The following GRIK4 variants were observed in gnomAD, a reference collection of about 807,000 sequenced individuals.
The protein encoded by GRIK4 is glutamate receptor ionotropic, kainate 4.
A neutral mutation model predicts 104.9 loss-of-function variants in GRIK4; 40 were observed. The ratio of observed to expected loss-of-function variants is 0.38; its 90% CI spans 0.30 to 0.50. GRIK4 has a LOEUF of 0.50. GRIK4 is among the 20% of genes least tolerant of loss of function. The pLI is 0.93. For missense variants in GRIK4, 1,047 were observed against 1,308.1 expected (o/e 0.80, Z 3.08); for synonymous variants, 485 against 524.9 (o/e 0.92, Z 1.04).
chr11:120,842,214 G>A (rs1365579707), intron 8 of GRIK4, among the ~76,000 whole-genome samples: 1 of 152,184 alleles, frequency 6.6e-6, no homozygotes, highest in African/African-American at 2.4e-5. Flanking sequence ...TTCCAAAAGG[G>A]TGTTTCTGGT....
At chr11:120,802,962 T>A in intron 4 of GRIK4, 105 bp downstream of exon 4, 1 of 993,782 alleles carries the variant, frequency 1.0e-6, no homozygotes, top group South Asian at 1.5e-5. Flanking sequence ...ATATCTGATG[T>A]CGATATTTCC....
At chr11:120,715,745 G>T (rs1285222327) in intron 3 of GRIK4, among the ~76,000 whole-genome samples, 1 of 152,230 alleles carries the variant, frequency 6.6e-6, no homozygotes, top group Non-Finnish European at 1.5e-5. Context: ...GGCCACGTGG[G>T]CGCCACACCC....
At chr11:120,858,050 A>G (rs1954163085) in intron 8 of GRIK4, among the ~76,000 whole-genome samples, 1 of 152,124 alleles carries the variant, frequency 6.6e-6, no homozygotes, top group Admixed American at 6.5e-5. Flanking sequence ...TCCTGTTGGG[A>G]GCAGGGACCC....
At chr11:120,637,380 T>A (rs1384752143) in intron 1 of GRIK4, among the ~76,000 whole-genome samples, 1 of 152,032 alleles carries the variant, frequency 6.6e-6, no homozygotes, top group African/African-American at 2.4e-5. Context: ...ACTTGGCAAA[T>A]CCCCTTCACA....
chr11:120,674,311 T>C (rs1256459311), intron 3 of GRIK4, among the ~76,000 whole-genome samples: 1 of 152,234 alleles, frequency 6.6e-6, no homozygotes, highest in Admixed American at 6.5e-5. Flanking sequence ...GCCTCTAGGT[T>C]CAGAGCCCCT....
chr11:120,937,330 C>T (rs1372236577), intron 13 of GRIK4, among the ~76,000 whole-genome samples: 1 of 152,196 alleles, frequency 6.6e-6, no homozygotes, highest in Non-Finnish European at 1.5e-5. Context: ...TGAGCCACTG[C>T]GCCCAGCCAT....
At chr11:120,828,076 C>G (rs1387062849) in intron 6 of GRIK4, among the ~76,000 whole-genome samples, 1 of 152,142 alleles carries the variant, frequency 6.6e-6, no homozygotes, top group Admixed American at 6.5e-5. Context: ...GGCGACGGTT[C>G]CTGCCTGGCA....
At chr11:120,969,273 TGGG>T (rs371587495) in intron 19 of GRIK4, among the ~76,000 whole-genome samples, 2 of 151,146 alleles carry the variant, frequency 1.3e-5, no homozygotes, top group Admixed American at 6.6e-5. Flanking sequence ...TAAAAGAAAA[TGGG>T]GGGGATGCAG....
intron 1 of GRIK4, among the ~76,000 whole-genome samples, chr11:120,567,748 A>G (rs1948348854): frequency 6.6e-6 from 1 of 152,186 alleles, no homozygotes; most frequent in Admixed American, 6.5e-5. Context: ...GGCCCTAGGT[A>G]GTGAGTGGGT....
At chr11:120,978,765 A>G (rs1301387078) in intron 19 of GRIK4, among the ~76,000 whole-genome samples, 1 of 152,214 alleles carries the variant, frequency 6.6e-6, no homozygotes, top group Non-Finnish European at 1.5e-5. Flanking sequence ...AGGAGAGGCA[A>G]GAGACCAAAG....
intron 3 of GRIK4, among the ~76,000 whole-genome samples, chr11:120,793,409 G>A (rs989291564): frequency 1.3e-5 from 2 of 152,126 alleles, no homozygotes; most frequent in African/African-American, 4.8e-5. Flanking sequence ...CCTCGGGAGA[G>A]GCTGAAGAAG....
chr11:120,948,900 A>G (rs1396648457), intron 14 of GRIK4, among the ~76,000 whole-genome samples: 1 of 152,188 alleles, frequency 6.6e-6, no homozygotes, highest in Non-Finnish European at 1.5e-5. Context: ...TCCATGTTAT[A>G]CAGGAGGAAA....
chr11:120,779,744 A>G (rs1952114713), intron 3 of GRIK4, among the ~76,000 whole-genome samples: 1 of 152,186 alleles, frequency 6.6e-6, no homozygotes, highest in South Asian at 2.1e-4. Flanking sequence ...CTCAAATCAA[A>G]TCATTGCTTC....
intron 1 of GRIK4, among the ~76,000 whole-genome samples, chr11:120,578,005 A>C (rs1948507715): frequency 6.6e-6 from 1 of 152,114 alleles, no homozygotes; most frequent in African/African-American, 2.4e-5. Flanking sequence ...CAGCAGAGTG[A>C]GTTGGACAGT....
chr11:120,589,780 T>C (rs569637633), intron 1 of GRIK4, among the ~76,000 whole-genome samples: 1 of 152,238 alleles, frequency 6.6e-6, no homozygotes, highest in African/African-American at 2.4e-5. Context: ...ATTTGTCTCT[T>C]TTCATATATA....
intron 3 of GRIK4, among the ~76,000 whole-genome samples, chr11:120,736,390 G>A (rs1951220956): frequency 6.6e-6 from 1 of 152,120 alleles, no homozygotes; most frequent in African/African-American, 2.4e-5. Flanking sequence ...CAGCTGTGCT[G>A]AGTGGGGTTG....
chr11:120,541,195 A>T (rs956771377), intron 1 of GRIK4, among the ~76,000 whole-genome samples: 19 of 152,188 alleles, frequency 1.2e-4, no homozygotes. Context: ...ACTCCTGCTC[A>T]TCCTCTAAGA....
At chr11:120,862,307 G>A (rs1954285275) in intron 9 of GRIK4, 187 bp downstream of exon 9, 2 of 565,924 alleles carry the variant, frequency 3.5e-6, no homozygotes, top group South Asian at 4.8e-5. Context: ...GCAATGAGCT[G>A]TAGACAGCAG....
intron 14 of GRIK4, among the ~76,000 whole-genome samples, chr11:120,947,195 T>A (rs1943880514): frequency 1.3e-5 from 2 of 152,078 alleles, no homozygotes; most frequent in Admixed American, 1.3e-4. Context: ...TGAGGTCAAG[T>A]GTTCGAGACC....
Sources: gnomAD v4.1 joint callset for allele counts (sites outside exome capture counted in the v4.1 genomes callset) on GRCh38, gnomAD v4.1.1 for gene constraint, MANE v1.5 for transcripts, NCBI Gene and HGNC (gene_info 2026-07-23, HGNC 2026-07-21) for gene names.